The following C8orf76 variants were observed in gnomAD, a reference collection of about 807,000 sequenced individuals.
The protein encoded by C8orf76 is chromosome 8 open reading frame 76, also known as uncharacterized protein C8orf76.
A neutral mutation model predicts 38.1 loss-of-function variants in C8orf76; 46 were observed. That is an observed-to-expected ratio of 1.21 (90% CI 0.95 to 1.54). C8orf76 has a LOEUF of 1.54. C8orf76 is among the 40% of genes most tolerant of loss of function. The pLI is 0.00. For missense variants in C8orf76, 461 were observed against 441.6 expected (o/e 1.04, Z -0.39); for synonymous variants, 166 against 167.5 (o/e 0.99, Z 0.07).
At chr8:123,223,903 A>G (rs1824954004) in intron 5 of C8orf76, among the ~76,000 whole-genome samples, 1 of 152,220 alleles carries the variant, frequency 6.6e-6, no homozygotes, top group South Asian at 2.1e-4. Flanking sequence ...TCTAGAATAG[A>G]TAAATTCACA....
intron 4 of C8orf76, among the ~76,000 whole-genome samples, chr8:123,229,782 C>T (rs1321515797): frequency 4.6e-5 from 7 of 152,082 alleles, no homozygotes; most frequent in East Asian, 1.9e-4. Flanking sequence ...TCTGGGAAGC[C>T]GAGGCGGGTG....
At chr8:123,241,193 G>A (rs931294495) in intron 1 of C8orf76, 37 bp downstream of exon 1, 3 of 1,540,614 alleles carry the variant, frequency 1.9e-6, no homozygotes, top group Non-Finnish European at 2.6e-6. Context: ...GCGAGGCCTG[G>A]GGCCCGGGAT....
intron 1 of C8orf76, among the ~76,000 whole-genome samples, chr8:123,240,462 C>G (rs897256931): frequency 7.9e-5 from 12 of 152,226 alleles, no homozygotes; most frequent in Non-Finnish European, 1.3e-4. Flanking sequence ...CGGAACACTT[C>G]CGTATTTTCC....
intron 5 of C8orf76, among the ~76,000 whole-genome samples, chr8:123,225,547 G>A (rs1362361361): frequency 6.6e-6 from 1 of 152,132 alleles, no homozygotes; most frequent in East Asian, 1.9e-4. Context: ...CATTACTTAC[G>A]CTACAGAAGA....
intron 4 of C8orf76, among the ~76,000 whole-genome samples, chr8:123,230,025 T>A (rs1042712758): frequency 6.1e-4 from 93 of 151,628 alleles, no homozygotes; most frequent in Admixed American, 9.9e-4. Flanking sequence ...AAAAAAAAAA[T>A]AATAATAATA....
intron 4 of C8orf76, among the ~76,000 whole-genome samples, chr8:123,227,985 C>A (rs989560808): frequency 6.6e-6 from 1 of 152,096 alleles, no homozygotes; most frequent in African/African-American, 2.4e-5. Flanking sequence ...TCCAGGCACC[C>A]GCGACTCGGT....
chr8:123,225,650 G>A (rs1257471641), intron 5 of C8orf76, among the ~76,000 whole-genome samples: 1 of 152,126 alleles, frequency 6.6e-6, no homozygotes, highest in Admixed American at 6.5e-5. Flanking sequence ...GAAGAGATCA[G>A]GCATGGTGGC....
intron 1 of C8orf76, 61 bp downstream of exon 1, chr8:123,241,169 G>T (rs2131170741): frequency 1.4e-6 from 2 of 1,473,256 alleles, no homozygotes; most frequent in South Asian, 1.3e-5. Flanking sequence ...GCCGGGGCCG[G>T]GGCCCCGCGG....
chr8:123,234,455 TG>T (rs1825387453), intron 3 of C8orf76, among the ~76,000 whole-genome samples: 1 of 152,228 alleles, frequency 6.6e-6, no homozygotes, highest in African/African-American at 2.4e-5. Flanking sequence ...GCCAACATGG[TG>T]AAACCCTGTC....
chr8:123,234,107 T>C (rs1825376227), intron 3 of C8orf76, among the ~76,000 whole-genome samples: 1 of 152,112 alleles, frequency 6.6e-6, no homozygotes, highest in Non-Finnish European at 1.5e-5. Context: ...AATAACATGA[T>C]GATGACAGTT....
Position 123,230,327 on chromosome 8 carries a change from G to A in C8orf76, c.815+973C>T, listed in dbSNP as rs527420905. ...CCCATTATCAGCAATTCAAATACAA[G>A]AGCTAATTTTCTTCTTTAGTAGATT... On this transcript the variant is annotated intron_variant, in intron 4 of 5. Transcript: ENST00000276704. Among the ~76,000 whole-genome samples, 5 of 152,244 alleles carry A rather than the reference G, an allele frequency of 3.3e-5. 1 individual carries two copies. In the South Asian group the frequency reaches 1.0e-3, roughly 32 times the overall value.
intron 2 of C8orf76, chr8:123,238,833 CA>C (rs1825586474): frequency 4.1e-6 from 2 of 492,892 alleles, no homozygotes; most frequent in Non-Finnish European, 7.3e-6. Context: ...ACAAGGACCC[CA>C]AAGAGATCCT....
chr8:123,238,028 G>C, intron 2 of C8orf76, 87 bp from the exon 3 acceptor site: 1 of 1,448,466 alleles, frequency 6.9e-7, no homozygotes, highest in Non-Finnish European at 9.2e-7. Context: ...TTTTTTCCTA[G>C]GTGGAAAGTA....
intron 5 of C8orf76, among the ~76,000 whole-genome samples, chr8:123,224,338 A>T (rs969302520): frequency 1.3e-5 from 2 of 152,220 alleles, no homozygotes; most frequent in Non-Finnish European, 2.9e-5. Flanking sequence ...AAGGCCAGGC[A>T]TGGTGGCTCA....
chr8:123,237,877 C>T lies in C8orf76; in HGVS notation c.278G>A (p.Arg93Lys). 6.2e-7 allele frequency: 1 copy of T among 1,614,092 alleles called. No homozygotes were observed. The highest frequency in any genetic ancestry group is 1.7e-5 in the Admixed American group (1 of 60,002). Residue 93 changes from arginine (R) to lysine (K), a missense_variant, in exon 3 of 6, where the codon AGG becomes AAG. Transcript: ENST00000276704. ...KLSSTNFAMK[R>K]DVQEGQARCL... ...CCGAGCCTGACCTTCCTGGACATCC[C>T]TTTTCATGGCAAAATTGGTTGATGA...
intron 4 of C8orf76, 121 bp from the exon 5 acceptor site, chr8:123,226,753 A>G (rs954532869): frequency 1.4e-6 from 2 of 1,406,284 alleles, no homozygotes; most frequent in Non-Finnish European, 1.9e-6. Context: ...CCACCAGGTT[A>G]AAAAGCAGGT....
chr8:123,228,559 C>T (rs1258245617), intron 4 of C8orf76, among the ~76,000 whole-genome samples: 1 of 151,754 alleles, frequency 6.6e-6, no homozygotes, highest in African/African-American at 2.4e-5. Flanking sequence ...GCAGAGGTTG[C>T]GGTGAGCCGA....
rs765363581 is a variant in C8orf76, at chr8:123,226,566, C to T, written c.882G>A (p.Gln294=). 6 of 1,613,532 alleles carry T rather than the reference C, an allele frequency of 3.7e-6. No individual in the cohort carries two copies. In the South Asian group the frequency reaches 6.6e-5, roughly 18 times the overall value. The change falls in exon 5 of 6, where the codon CAG becomes CAA. Residue 294 remains glutamine (Q), a synonymous_variant. Coordinates refer to ENST00000276704, the MANE Select transcript of C8orf76 (RefSeq NM_032847.3). ...CTTTCATTTTATCTTCAATTTCCTG[C>T]TGAGTCCTTAAGTTCCTCTCCAAAG... is the stretch of plus-strand genomic sequence containing the variant. ...SFALERNLRT[Q]QEIEDKMKGF...
At chr8:123,237,712 C>A in intron 3 of C8orf76, 86 bp downstream of exon 3, 1 of 1,465,110 alleles carries the variant, frequency 6.8e-7, no homozygotes, top group Non-Finnish European at 9.0e-7. Flanking sequence ...TTGCTACTAG[C>A]AAGAAGTTTG....
Sources: gnomAD v4.1 joint callset for allele counts (sites outside exome capture counted in the v4.1 genomes callset) on GRCh38, gnomAD v4.1.1 for gene constraint, MANE v1.5 for transcripts, NCBI Gene and HGNC (gene_info 2026-07-23, HGNC 2026-07-21) for gene names.